ERCC6: variants seen among roughly 807,000 people sequenced by gnomAD.
ERCC6 encodes ERCC excision repair 6, chromatin remodeling factor.
ERCC6 carries 116 observed loss-of-function variants against 158.7 expected under a neutral mutation model. That is an observed-to-expected ratio of 0.73 (90% confidence interval 0.63 to 0.85). The LOEUF (loss-of-function observed/expected upper bound fraction) is 0.85. Ranked by LOEUF, ERCC6 falls within the 40% of genes least tolerant of loss-of-function variation. The pLI is 0.00. For synonymous variants in ERCC6, 678 were observed against 659.3 expected (o/e 1.03, Z -0.43); for missense variants, 1,698 against 1,799.4 (o/e 0.94, Z 1.02).
At chr10:49,513,216 G>A (rs1432445006) in intron 5 of ERCC6, among the ~76,000 whole-genome samples, 1 of 152,162 alleles carries the variant, frequency 6.6e-6, no homozygotes, top group Non-Finnish European at 1.5e-5. Flanking sequence ...GAGCTACTCG[G>A]CTAGGCTCTG....
chr10:49,452,644 T>C (rs184665893), downstream of ERCC6, among the ~76,000 whole-genome samples: 58 of 152,284 alleles, frequency 3.8e-4, no homozygotes, highest in South Asian at 1.7e-3. Flanking sequence ...TAACCTTGTG[T>C]CTAGTTTTGT....
chr10:49,474,627 T>C (rs1159414323), intron 12 of ERCC6, among the ~76,000 whole-genome samples: 1 of 152,210 alleles, frequency 6.6e-6, no homozygotes, highest in Non-Finnish European at 1.5e-5. Context: ...TTTGGAGACA[T>C]CAGTCATGTG....
chr10:49,515,350 C>A, intron 5 of ERCC6: 2 of 1,610,600 alleles, frequency 1.2e-6, no homozygotes, highest in Non-Finnish European at 1.7e-6. Context: ...GTGTGATATT[C>A]AACGGAACAC....
intron 5 of ERCC6, among the ~76,000 whole-genome samples, chr10:49,514,933 G>A (rs181146900): frequency 6.6e-6 from 1 of 152,166 alleles, no homozygotes; most frequent in Admixed American, 6.5e-5. Context: ...AATCTGAGCA[G>A]ATGAAATACC....
At chr10:49,468,939 C>A (rs954882660) in intron 18 of ERCC6, among the ~76,000 whole-genome samples, 3 of 151,822 alleles carry the variant, frequency 2.0e-5, no homozygotes, top group Admixed American at 2.0e-4. Context: ...AAATCTAAGA[C>A]AATACGAGCA....
intron 20 of ERCC6, 41 bp downstream of exon 20, chr10:49,460,332 G>T: frequency 7.2e-7 from 1 of 1,385,284 alleles, no homozygotes; most frequent in Non-Finnish European, 1.0e-6. Context: ...ATTCAATCAA[G>T]CAAGTCTCAC....
At chr10:49,453,776 T>C (rs1850447319), downstream of ERCC6, among the ~76,000 whole-genome samples, 1 of 152,142 alleles carries the variant, frequency 6.6e-6, no homozygotes, top group Admixed American at 6.5e-5. Flanking sequence ...GACAGTTTTT[T>C]TTTCTTCAAG....
In ERCC6 at chr10:49,512,703, G is replaced by A. The variant is rs546611524; in HGVS notation, c.1398-6691C>T. Among the ~76,000 whole-genome samples, 4 of 152,300 alleles carry A rather than the reference G, an allele frequency of 2.6e-5. No individual in the cohort carries two copies. In the South Asian group the frequency reaches 6.2e-4, roughly 24 times the overall value. ...TACACAATGAGATATGTTGGGATGGGACCCAAGACTAAATACGAATTCATT... is the reference window on the plus strand; with the variant it reads ...TACACAATGAGATATGTTGGGATGGAACCCAAGACTAAATACGAATTCATT... On this transcript the variant is annotated intron_variant, in intron 5 of 20. Coordinates refer to ENST00000355832, the MANE Select transcript of ERCC6 (RefSeq NM_000124.4).
chr10:49,517,022 T>G, intron 5 of ERCC6: 1 of 1,613,972 alleles, frequency 6.2e-7, no homozygotes, highest in Non-Finnish European at 8.5e-7. Flanking sequence ...CTGTAGCATT[T>G]TCAGGTGGTT....
chr10:49,519,090 C>T (rs1343100182), intron 5 of ERCC6, among the ~76,000 whole-genome samples: 1 of 152,200 alleles, frequency 6.6e-6, no homozygotes, highest in African/African-American at 2.4e-5. Context: ...TCCCTATATC[C>T]TCATCCAAAT....
chr10:49,538,774 T>C (rs1837665692), intron 1 of ERCC6, among the ~76,000 whole-genome samples, 188 bp downstream of exon 1: 1 of 152,196 alleles, frequency 6.6e-6, no homozygotes, highest in African/African-American at 2.4e-5. Context: ...TCCTTGGCGC[T>C]ACTTCCGGTC....
chr10:49,490,514 C>T (rs1027084673), intron 8 of ERCC6, among the ~76,000 whole-genome samples: 1 of 152,116 alleles, frequency 6.6e-6, no homozygotes, highest in African/African-American at 2.4e-5. Context: ...GCCACCACAA[C>T]CAGCTAATTT....
rs774814728 is a variant in ERCC6 at position 49,516,746 on chromosome 10, G to A, written c.1397+7287C>T. ...GTGGTGCTGTAACTCTACCTGCTACGGGTTGTACAGTTAGGTCGGCTTTTT... is the reference window on the plus strand; with the variant it reads ...GTGGTGCTGTAACTCTACCTGCTACAGGTTGTACAGTTAGGTCGGCTTTTT... On this transcript the variant is annotated intron_variant, in intron 5 of 20. Transcript: ENST00000355832. The A allele has an allele frequency of 1.5e-5, 24 of 1,614,002 alleles. No individual in the cohort carries two copies. The highest frequency in any genetic ancestry group is 4.5e-5 in the East Asian group (2 of 44,886).
Position 49,486,809 on chromosome 10 carries a change from T to C in ERCC6, c.1822-3293A>G, listed in dbSNP as rs78104810. ...ATGAGTAAAGTAGGACTAGATCCTA[T>C]TACTGAAATTGTTCCAAAATATAGA... is the stretch of plus-strand genomic sequence containing the variant. On this transcript the variant is annotated intron_variant, in intron 8 of 20. Coordinates refer to ENST00000355832, the MANE Select transcript of ERCC6 (RefSeq NM_000124.4). Among the ~76,000 whole-genome samples, 641 of 152,338 alleles carry C rather than the reference T, an allele frequency of 4.2e-3. 4 individuals carry two copies. The highest frequency in any genetic ancestry group is 0.01 in the Middle Eastern group (3 of 294).
intron 18 of ERCC6, among the ~76,000 whole-genome samples, chr10:49,465,360 G>A (rs1448170098): frequency 6.6e-6 from 1 of 152,180 alleles, no homozygotes; most frequent in Non-Finnish European, 1.5e-5. Context: ...TAACTAACTT[G>A]CTTTTGATTT....
chr10:49,443,707 C>T, the ERCC6 span, among the ~76,000 whole-genome samples: 3 of 152,200 alleles, frequency 2.0e-5, no homozygotes, highest in Non-Finnish European at 4.4e-5. Flanking sequence ...TGCACCTTTT[C>T]TGTGTTTAGA....
chr10:49,486,347 T>C (rs1851077938), intron 8 of ERCC6, among the ~76,000 whole-genome samples: 2 of 152,188 alleles, frequency 1.3e-5, no homozygotes, highest in Non-Finnish European at 1.5e-5. Flanking sequence ...ATTCATTCTT[T>C]ACAAACACTC....
Position 49,529,067 on chromosome 10 carries a change from C to T in ERCC6, c.544-542G>A, listed in dbSNP as rs137941107. Reference sequence around the variant, plus strand: ...TAAGAAAAAAATATATCTTGCCATGCCTCTCCACCCTGGCCACGCCAGACT... The same window carrying T: ...TAAGAAAAAAATATATCTTGCCATGTCTCTCCACCCTGGCCACGCCAGACT... On this transcript the variant is annotated intron_variant, in intron 3 of 20. Transcript: ENST00000355832. 7.1e-3 allele frequency among the ~76,000 whole-genome samples: 1,078 copies of T among 152,218 alleles called. 5 individuals are homozygous for T. Among genetic ancestry groups the T allele is most frequent in the Admixed American group, 9.4e-3 (144 of 15,300 alleles).
chr10:49,485,802 C>A (rs1285444600), intron 8 of ERCC6, among the ~76,000 whole-genome samples: 1 of 152,046 alleles, frequency 6.6e-6, no homozygotes, highest in South Asian at 2.1e-4. Flanking sequence ...TAGCAAAAAT[C>A]AGGACAATAT....
Sources: allele counts gnomAD v4.1 joint callset (sites outside exome capture counted in the v4.1 genomes callset), GRCh38; gene constraint gnomAD v4.1.1; transcripts MANE v1.5; gene names NCBI Gene and HGNC (gene_info 2026-07-23, HGNC 2026-07-21).